The following HS6ST3 variants were observed in gnomAD, a reference collection of about 807,000 sequenced individuals.
HS6ST3 encodes the protein heparan sulfate 6-O-sulfotransferase 3, also known as heparan-sulfate 6-O-sulfotransferase 3.
HS6ST3 carries 12 observed loss-of-function variants against 36.7 expected under a neutral mutation model. That is an observed-to-expected ratio of 0.33 (90% confidence interval 0.21 to 0.53). The LOEUF is 0.53. Ranked by LOEUF, HS6ST3 falls within the 20% of genes least tolerant of loss-of-function variation. The probability of loss-of-function intolerance (pLI) is 0.95; values close to 1 mark genes in which losing one functional copy is unlikely to be tolerated. For synonymous variants in HS6ST3, 240 were observed against 257.5 expected (o/e 0.93, Z 0.65); for missense variants, 584 against 640.9 (o/e 0.91, Z 0.96).
At chr13:96,420,244 G>A (rs998565136) in intron 1 of HS6ST3, among the ~76,000 whole-genome samples, 4 of 151,992 alleles carry the variant, frequency 2.6e-5, no homozygotes, top group South Asian at 2.1e-4. Flanking sequence ...GTGAGTACCC[G>A]GGTTTATATG....
intron 1 of HS6ST3, among the ~76,000 whole-genome samples, chr13:96,307,031 TA>T (rs1473731132): frequency 2.0e-5 from 3 of 152,088 alleles, no homozygotes; most frequent in Admixed American, 1.3e-4. Context: ...ATACACCAAA[TA>T]GATGATTTAA....
At chr13:96,321,948 A>G (rs1180941666) in intron 1 of HS6ST3, among the ~76,000 whole-genome samples, 1 of 151,692 alleles carries the variant, frequency 6.6e-6, no homozygotes, top group Non-Finnish European at 1.5e-5. Flanking sequence ...CAAACTCCCA[A>G]CAGTTCTCCA....
At chr13:96,106,447 C>T (rs953341926) in intron 1 of HS6ST3, among the ~76,000 whole-genome samples, 1 of 152,196 alleles carries the variant, frequency 6.6e-6, no homozygotes, top group African/African-American at 2.4e-5. Context: ...GTTGAAACCT[C>T]CTTCCAACAG....
chr13:96,404,159 A>G (rs966048139), intron 1 of HS6ST3, among the ~76,000 whole-genome samples: 2 of 152,176 alleles, frequency 1.3e-5, no homozygotes, highest in African/African-American at 2.4e-5. Context: ...CATTTTTCCA[A>G]ATCCCATGTA....
chr13:96,353,046 CTTTTTT>C (rs1026366277), intron 1 of HS6ST3, among the ~76,000 whole-genome samples: 2,097 of 85,304 alleles, frequency 0.025, 42 homozygotes, highest in African/African-American at 0.09. Flanking sequence ...CTAGCGTATT[CTTTTTT>C]TTTTTTTTTT....
intron 1 of HS6ST3, among the ~76,000 whole-genome samples, chr13:96,702,744 T>A (rs1875321184): frequency 6.6e-6 from 1 of 152,180 alleles, no homozygotes; most frequent in Non-Finnish European, 1.5e-5. Flanking sequence ...GATTTAAACC[T>A]CTTTAAGGAG....
intron 1 of HS6ST3, among the ~76,000 whole-genome samples, chr13:96,745,001 T>C (rs1876529964): frequency 6.6e-6 from 1 of 152,082 alleles, no homozygotes; most frequent in Non-Finnish European, 1.5e-5. Context: ...ATATCTTACA[T>C]AGCAATTCCA....
chr13:96,520,280 A>G (rs1382851285), intron 1 of HS6ST3, among the ~76,000 whole-genome samples: 1 of 152,190 alleles, frequency 6.6e-6, no homozygotes, highest in Non-Finnish European at 1.5e-5. Context: ...GTTAGAAGTC[A>G]GGTAGCATGA....
intron 1 of HS6ST3, among the ~76,000 whole-genome samples, chr13:96,283,446 A>G (rs1465067172): frequency 6.6e-6 from 1 of 152,180 alleles, no homozygotes; most frequent in East Asian, 1.9e-4. Context: ...ATGTAACATC[A>G]TCCTAACAGG....
At chr13:96,500,881 G>A (rs2056000924) in intron 1 of HS6ST3, among the ~76,000 whole-genome samples, 1 of 152,160 alleles carries the variant, frequency 6.6e-6, no homozygotes, top group South Asian at 2.1e-4. Context: ...CTTGCAAAGA[G>A]TAAGTGTGTG....
intron 1 of HS6ST3, among the ~76,000 whole-genome samples, chr13:96,729,711 C>T (rs559826753): frequency 1.9e-4 from 29 of 152,208 alleles, no homozygotes; most frequent in Admixed American, 1.9e-3. Context: ...AAGTGATACC[C>T]GACTTTGGCT....
At chr13:96,376,381 G>A (rs1326739246) in intron 1 of HS6ST3, among the ~76,000 whole-genome samples, 1 of 152,282 alleles carries the variant, frequency 6.6e-6, no homozygotes, top group Non-Finnish European at 1.5e-5. Flanking sequence ...GGGAGCCATT[G>A]TACTGTCTTT....
intron 1 of HS6ST3, among the ~76,000 whole-genome samples, chr13:96,362,822 G>A (rs2055244909): frequency 6.6e-6 from 1 of 152,130 alleles, no homozygotes; most frequent in African/African-American, 2.4e-5. Flanking sequence ...TCAAAAGCAA[G>A]CAACTATTGA....
chr13:96,709,095 G>A (rs1278077532), intron 1 of HS6ST3, among the ~76,000 whole-genome samples: 1 of 152,078 alleles, frequency 6.6e-6, no homozygotes, highest in Non-Finnish European at 1.5e-5. Flanking sequence ...TTTCTCCCAC[G>A]CTGTCTTGTG....
chr13:96,183,466 T>C (rs2054249207), intron 1 of HS6ST3, among the ~76,000 whole-genome samples: 2 of 152,154 alleles, frequency 1.3e-5, no homozygotes, highest in South Asian at 4.1e-4. Context: ...AGTTATAAAT[T>C]ATCCCCCACC....
At chr13:96,252,427 T>G (rs1244579125) in intron 1 of HS6ST3, among the ~76,000 whole-genome samples, 1 of 152,204 alleles carries the variant, frequency 6.6e-6, no homozygotes, top group Non-Finnish European at 1.5e-5. Context: ...ATTCCCTCTC[T>G]CCATGCCTCC....
At chr13:96,461,710 C>T (rs538463523) in intron 1 of HS6ST3, among the ~76,000 whole-genome samples, 3 of 152,156 alleles carry the variant, frequency 2.0e-5, no homozygotes, top group Non-Finnish European at 4.4e-5. Flanking sequence ...ATCCACAAAA[C>T]CTTGAACTTT....
chr13:96,778,224 G>C (rs1235662761), intron 1 of HS6ST3, among the ~76,000 whole-genome samples: 1 of 152,108 alleles, frequency 6.6e-6, no homozygotes, highest in Non-Finnish European at 1.5e-5. Context: ...AAAAACCCTA[G>C]AAGAAAACCT....
intron 1 of HS6ST3, among the ~76,000 whole-genome samples, chr13:96,761,189 A>G (rs1594853973): frequency 6.6e-6 from 1 of 150,754 alleles, no homozygotes; most frequent in African/African-American, 2.4e-5. Flanking sequence ...ATCTCGGCTC[A>G]CTGCAGGCTG....
Sources: allele counts gnomAD v4.1 joint callset (sites outside exome capture counted in the v4.1 genomes callset), GRCh38; gene constraint gnomAD v4.1.1; transcripts MANE v1.5; gene names NCBI Gene and HGNC (gene_info 2026-07-23, HGNC 2026-07-21).